BTBD9: variants seen among roughly 807,000 people sequenced by gnomAD.
BTBD9 encodes the protein BTB/POZ domain-containing protein 9.
In BTBD9, 49 loss-of-function variants were observed where a neutral mutation model predicts 64.3. The ratio of observed to expected loss-of-function variants is 0.76; its 90% CI spans 0.61 to 0.97. The LOEUF is 0.97. BTBD9 is among the 50% of genes least tolerant of loss of function. The probability of loss-of-function intolerance (pLI) is 0.00; values close to 1 mark genes in which losing one functional copy is unlikely to be tolerated. For missense variants in BTBD9, 598 were observed against 762.1 expected (o/e 0.78, Z 2.53); for synonymous variants, 260 against 274.7 (o/e 0.95, Z 0.53).
At chr6:38,577,758 A>C (rs1385233104) in intron 5 of BTBD9, 39 bp from the exon 6 acceptor site, 1 of 1,568,118 alleles carries the variant, frequency 6.4e-7, no homozygotes, top group Admixed American at 1.8e-5. Context: ...AAATTACCAC[A>C]TTAAAAAACA....
chr6:38,214,553 T>A (rs1023176975), intron 9 of BTBD9, among the ~76,000 whole-genome samples: 13 of 151,906 alleles, frequency 8.6e-5, no homozygotes, highest in South Asian at 4.2e-4. Flanking sequence ...GCAGGGAGAG[T>A]CTGCAGGTCA....
intron 6 of BTBD9, among the ~76,000 whole-genome samples, chr6:38,489,301 A>G (rs1238898889): frequency 6.6e-6 from 1 of 152,134 alleles, no homozygotes; most frequent in Non-Finnish European, 1.5e-5. Context: ...CCCCATCTCT[A>G]CAAAAAAATT....
intron 7 of BTBD9, among the ~76,000 whole-genome samples, chr6:38,294,049 C>T (rs9462427): frequency 0.015 from 2,301 of 152,200 alleles, 53 homozygotes; most frequent in African/African-American, 0.05. Context: ...GACATTTATG[C>T]CAACAAACGT....
chr6:38,462,707 T>A (rs1582469135), intron 6 of BTBD9, among the ~76,000 whole-genome samples: 1 of 152,254 alleles, frequency 6.6e-6, no homozygotes, highest in Non-Finnish European at 1.5e-5. Flanking sequence ...ACTGAATCTA[T>A]GGATAAATAT....
intron 6 of BTBD9, among the ~76,000 whole-genome samples, chr6:38,513,731 G>C (rs1325039393): frequency 6.6e-6 from 1 of 152,078 alleles, no homozygotes; most frequent in East Asian, 1.9e-4. Flanking sequence ...ACAAGCAAAA[G>C]TACCAATGCC....
intron 1 of BTBD9, among the ~76,000 whole-genome samples, chr6:38,635,330 T>A (rs1360582269): frequency 6.6e-6 from 1 of 152,076 alleles, no homozygotes; most frequent in Non-Finnish European, 1.5e-5. Flanking sequence ...GAGATAGGGT[T>A]TCACCATGTT....
At chr6:38,446,019 C>T (rs1018120707) in intron 6 of BTBD9, among the ~76,000 whole-genome samples, 6 of 152,264 alleles carry the variant, frequency 3.9e-5, no homozygotes, top group Admixed American at 2.0e-4. Flanking sequence ...TTTCTATCCC[C>T]CTTAGACAGA....
At chr6:38,233,911 C>A (rs956458198) in intron 9 of BTBD9, among the ~76,000 whole-genome samples, 2 of 152,178 alleles carry the variant, frequency 1.3e-5, no homozygotes, top group African/African-American at 2.4e-5. Context: ...CATCTGCCTT[C>A]TAAAAAAGTA....
intron 9 of BTBD9, among the ~76,000 whole-genome samples, chr6:38,205,701 T>G (rs1378740538): frequency 1.3e-5 from 2 of 151,156 alleles, no homozygotes; most frequent in African/African-American, 4.9e-5. Flanking sequence ...CTGGCCAACA[T>G]GGCAAAACCC....
At chr6:38,608,134 T>C (rs1318273285) in intron 1 of BTBD9, among the ~76,000 whole-genome samples, 1 of 152,174 alleles carries the variant, frequency 6.6e-6, no homozygotes, top group Non-Finnish European at 1.5e-5. Context: ...CTCTAGTATA[T>C]GACTCCCTAT....
At chr6:38,352,648 G>C (rs1231938553) in intron 6 of BTBD9, among the ~76,000 whole-genome samples, 1 of 152,230 alleles carries the variant, frequency 6.6e-6, no homozygotes, top group Non-Finnish European at 1.5e-5. Flanking sequence ...AGTAGTGGTA[G>C]AGAGAAGGCC....
chr6:38,200,862 T>C (rs1762438362), intron 9 of BTBD9, among the ~76,000 whole-genome samples: 1 of 151,972 alleles, frequency 6.6e-6, no homozygotes, highest in Admixed American at 6.6e-5. Flanking sequence ...CCAATCCTCT[T>C]CAAACTATTC....
chr6:38,532,918 C>T (rs1773860864), intron 6 of BTBD9, among the ~76,000 whole-genome samples: 1 of 151,624 alleles, frequency 6.6e-6, no homozygotes, highest in South Asian at 2.1e-4. Context: ...TTAAGTACCA[C>T]CTTGGCCACA....
intron 1 of BTBD9, among the ~76,000 whole-genome samples, chr6:38,624,397 G>C (rs1778102415): frequency 1.3e-5 from 2 of 152,096 alleles, no homozygotes; most frequent in African/African-American, 4.8e-5. Context: ...CCATCTTTAA[G>C]AGCTGTAACA....
At chr6:38,503,765 A>C (rs1333947315) in intron 6 of BTBD9, among the ~76,000 whole-genome samples, 1 of 152,142 alleles carries the variant, frequency 6.6e-6, no homozygotes, top group Non-Finnish European at 1.5e-5. Context: ...CTATGTAAAC[A>C]ATATATTGGC....
chr6:38,283,157 C>T (rs1304311218), intron 8 of BTBD9, among the ~76,000 whole-genome samples: 1 of 152,168 alleles, frequency 6.6e-6, no homozygotes, highest in East Asian at 1.9e-4. Flanking sequence ...GAGGATTAGA[C>T]AGCCACTGAC....
intron 4 of BTBD9, chr6:38,587,597 T>A: frequency 1.7e-6 from 1 of 575,846 alleles, no homozygotes; most frequent in South Asian, 1.6e-5. Flanking sequence ...ACATTATTTG[T>A]TAATGGCCAA....
At chr6:38,528,327 T>A (rs1364972146) in intron 6 of BTBD9, among the ~76,000 whole-genome samples, 1 of 152,126 alleles carries the variant, frequency 6.6e-6, no homozygotes, top group African/African-American at 2.4e-5. Context: ...GGGCCTTCAA[T>A]GAACTGGAAA....
chr6:38,355,404 T>G (rs1457756124), intron 6 of BTBD9, among the ~76,000 whole-genome samples: 1 of 151,954 alleles, frequency 6.6e-6, no homozygotes, highest in African/African-American at 2.4e-5. Flanking sequence ...GGAGGGGGAG[T>G]AGTTTGGCAA....
Sources: gnomAD v4.1 joint callset for allele counts (sites outside exome capture counted in the v4.1 genomes callset) on GRCh38, gnomAD v4.1.1 for gene constraint, MANE v1.5 for transcripts, NCBI Gene and HGNC (gene_info 2026-07-23, HGNC 2026-07-21) for gene names.